The following LINGO2 variants were observed in gnomAD, a reference collection of about 807,000 sequenced individuals.
LINGO2 encodes leucine-rich repeat and immunoglobulin-like domain-containing nogo receptor-interacting protein 2.
LINGO2 carries 14 observed loss-of-function variants against 30.6 expected under a neutral mutation model. The ratio of observed to expected loss-of-function variants is 0.46; its 90% confidence interval spans 0.30 to 0.72. The LOEUF (loss-of-function observed/expected upper bound fraction) is 0.72, where lower values mean the gene tolerates loss of function less well. Among genes scored for constraint, LINGO2 ranks in the 30% least tolerant of loss-of-function variants. The pLI is 0.07. For synonymous variants in LINGO2, 317 were observed against 288.5 expected, an observed-to-expected ratio of 1.10 and a Z score of -1.00; for missense variants, 729 against 751.7, an observed-to-expected ratio of 0.97 and a Z score of 0.35.
intron 4 of LINGO2, among the ~76,000 whole-genome samples, chr9:28,284,247 G>A (rs548336939): frequency 7.5e-4 from 114 of 152,220 alleles, no homozygotes; most frequent in African/African-American, 2.3e-3. Flanking sequence ...TTCAGATGCC[G>A]ACTTTGCTGA....
chr9:28,973,503 A>C, the LINGO2 span, among the ~76,000 whole-genome samples: 2 of 152,172 alleles, frequency 1.3e-5, no homozygotes, highest in African/African-American at 4.8e-5. Flanking sequence ...TTCTCATAGC[A>C]GCAAATAATT....
chr9:28,430,719 C>A lies in LINGO2; in HGVS notation c.-279+45221G>T, dbSNP rs564515593. On this transcript the variant is annotated intron_variant, in intron 2 of 5. Transcript: ENST00000379992. ...TGCTGGGTGACAAACTGACCTAAAA[C>A]TGGGTAGCTTAAAACAACAAATGCT... Among the ~76,000 whole-genome samples, 3 of 152,222 alleles carry A rather than the reference C, an allele frequency of 2.0e-5. No individual in the cohort carries two copies. In the South Asian group the frequency reaches 6.2e-4, roughly 32 times the overall value.
chr9:28,507,867 T>C (rs889189547), intron 1 of LINGO2, among the ~76,000 whole-genome samples: 1 of 150,658 alleles, frequency 6.6e-6, no homozygotes, highest in South Asian at 2.1e-4. Flanking sequence ...TAGGTTTTGA[T>C]TTTTTTTCTA....
intron 2 of LINGO2, among the ~76,000 whole-genome samples, chr9:28,471,502 A>G (rs1825518402): frequency 6.6e-6 from 1 of 152,162 alleles, no homozygotes; most frequent in Non-Finnish European, 1.5e-5. Flanking sequence ...CCACCTCCCA[A>G]CACTGCTACA....
intron 2 of LINGO2, among the ~76,000 whole-genome samples, chr9:28,381,585 C>T (rs1024278335): frequency 6.6e-6 from 1 of 151,658 alleles, no homozygotes; most frequent in Non-Finnish European, 1.5e-5. Flanking sequence ...TGAATCAGCA[C>T]CATCAATAAA....
At chr9:28,127,048 G>T (rs1343308682) in intron 4 of LINGO2, among the ~76,000 whole-genome samples, 1 of 152,132 alleles carries the variant, frequency 6.6e-6, no homozygotes, top group Non-Finnish European at 1.5e-5. Context: ...AGAAAATTGA[G>T]ATTCACAGAA....
the LINGO2 span, among the ~76,000 whole-genome samples, chr9:29,204,458 G>A: frequency 6.6e-6 from 1 of 152,194 alleles, no homozygotes; most frequent in African/African-American, 2.4e-5. Flanking sequence ...CCTTCCCACA[G>A]ACAATATGTG....
chr9:28,292,684 G>A (rs963919403), intron 4 of LINGO2, among the ~76,000 whole-genome samples: 23 of 151,874 alleles, frequency 1.5e-4, no homozygotes, highest in African/African-American at 3.9e-4. Flanking sequence ...GGCTTGTCTC[G>A]AACTCCTGAT....
chr9:28,014,561 G>T (rs1822727435), intron 4 of LINGO2, among the ~76,000 whole-genome samples: 2 of 78,794 alleles, frequency 2.5e-5, no homozygotes, highest in Admixed American at 1.0e-4. Context: ...TTTTTATCCA[G>T]GATAAGACAA....
intron 1 of LINGO2, among the ~76,000 whole-genome samples, chr9:28,483,164 A>G (rs1001517212): frequency 1.3e-5 from 2 of 152,130 alleles, no homozygotes; most frequent in Non-Finnish European, 2.9e-5. Flanking sequence ...AACTTTTGTT[A>G]GCATTCAGAT....
chr9:28,241,351 C>G (rs1167615005), intron 4 of LINGO2, among the ~76,000 whole-genome samples: 1 of 148,758 alleles, frequency 6.7e-6, no homozygotes, highest in Non-Finnish European at 1.5e-5. Context: ...CAACTAGAAG[C>G]AGTGGCAATC....
At chr9:28,580,398 C>T (rs1418145345) in intron 1 of LINGO2, among the ~76,000 whole-genome samples, 3 of 152,056 alleles carry the variant, frequency 2.0e-5, no homozygotes, top group Admixed American at 6.6e-5. Context: ...TACCTTTCAG[C>T]AATGTCACAA....
At chr9:28,643,219 C>A (rs1361688636) in intron 1 of LINGO2, among the ~76,000 whole-genome samples, 1 of 151,838 alleles carries the variant, frequency 6.6e-6, no homozygotes, top group East Asian at 1.9e-4. Context: ...ACAAAAGACC[C>A]AGAAGAGCCA....
chr9:28,311,548 G>A (rs1824621118), intron 3 of LINGO2, among the ~76,000 whole-genome samples: 1 of 152,012 alleles, frequency 6.6e-6, no homozygotes, highest in Admixed American at 6.6e-5. Context: ...TCTTTCTCAG[G>A]GATGTTCCTT....
chr9:29,094,813 T>TA, the LINGO2 span, among the ~76,000 whole-genome samples: 2 of 139,318 alleles, frequency 1.4e-5, 1 homozygote, highest in Non-Finnish European at 3.1e-5. Context: ...TAAATGTGTC[T>TA]ACTAGACATT....
chr9:28,674,973 T>C (rs2136057613), upstream of LINGO2, among the ~76,000 whole-genome samples: 1 of 152,306 alleles, frequency 6.6e-6, no homozygotes, highest in South Asian at 2.1e-4. Flanking sequence ...ATACATCCAG[T>C]AGACCAAATA....
the LINGO2 span, among the ~76,000 whole-genome samples, chr9:28,996,010 T>C: frequency 9.1e-6 from 1 of 109,450 alleles, no homozygotes; most frequent in Non-Finnish European, 2.2e-5. Flanking sequence ...CCCTAAAACT[T>C]AAAGTATAAT....
the LINGO2 span, among the ~76,000 whole-genome samples, chr9:29,073,988 A>G: frequency 6.6e-6 from 1 of 152,116 alleles, no homozygotes; most frequent in African/African-American, 2.4e-5. Context: ...TTAAATGACT[A>G]TATGATACAT....
the LINGO2 span, among the ~76,000 whole-genome samples, chr9:28,760,880 G>A: frequency 4.0e-5 from 6 of 150,482 alleles, no homozygotes; most frequent in Non-Finnish European, 8.9e-5. Context: ...ATATGTATAT[G>A]TGTATATATA....
Sources: gnomAD v4.1 joint callset for allele counts (sites outside exome capture counted in the v4.1 genomes callset) on GRCh38, gnomAD v4.1.1 for gene constraint, MANE v1.5 for transcripts, NCBI Gene and HGNC (gene_info 2026-07-23, HGNC 2026-07-21) for gene names.